The following KIAA1549L variants were observed in gnomAD, a reference collection of about 807,000 sequenced individuals.
The protein encoded by KIAA1549L is UPF0606 protein KIAA1549L.
In KIAA1549L, 88 loss-of-function variants were observed where a neutral mutation model predicts 160.7. The observed-to-expected ratio is 0.55, with a 90% confidence interval of 0.46 to 0.65. The LOEUF (loss-of-function observed/expected upper bound fraction) is 0.65. Ranked by LOEUF, KIAA1549L falls within the 30% of genes least tolerant of loss-of-function variation. The probability of loss-of-function intolerance (pLI) is 0.00; values close to 1 mark genes in which losing one functional copy is unlikely to be tolerated. For missense variants in KIAA1549L, 2,258 were observed against 2,437.5 expected (o/e 0.93, Z 1.55); for synonymous variants, 950 against 976.7 (o/e 0.97, Z 0.51).
chr11:33,413,271 T>TA lies in KIAA1549L; in HGVS notation c.238+36385dup, dbSNP rs397773577. 6.2e-3 allele frequency among the ~76,000 whole-genome samples: 942 copies of TA among 151,192 alleles called. 8 individuals carry two copies. The highest frequency in any genetic ancestry group is 0.021 in the African/African-American group (880 of 41,190). ...TTGAACACAGATTTTTTTTTTTTTTTAAATCAAGAATACCTCTTAAGGCTG... is the reference window on the plus strand; with the variant it reads ...TTGAACACAGATTTTTTTTTTTTTTTAAAATCAAGAATACCTCTTAAGGCTG... On this transcript the variant is annotated intron_variant, in intron 1 of 20. Transcript: ENST00000658780.
At chr11:33,532,722 G>A (rs546940381) in intron 1 of KIAA1549L, among the ~76,000 whole-genome samples, 4 of 152,252 alleles carry the variant, frequency 2.6e-5, no homozygotes, top group Admixed American at 6.5e-5. Context: ...GGTTTCCTTC[G>A]TTTATTTTGT....
intron 17 of KIAA1549L, among the ~76,000 whole-genome samples, chr11:33,652,164 A>G (rs139391787): frequency 6.4e-4 from 97 of 151,766 alleles, no homozygotes; most frequent in Admixed American, 1.5e-3. Context: ...GGAACCTGGC[A>G]ACAGTTTCGT....
At chr11:33,636,634 A>G (rs1851446929) in intron 16 of KIAA1549L, among the ~76,000 whole-genome samples, 1 of 152,198 alleles carries the variant, frequency 6.6e-6, no homozygotes, top group Non-Finnish European at 1.5e-5. Context: ...CCCAGCCAAG[A>G]ACGAATCTTC....
intron 13 of KIAA1549L, among the ~76,000 whole-genome samples, chr11:33,602,129 G>T (rs564914645): frequency 6.6e-6 from 1 of 152,186 alleles, no homozygotes; most frequent in Non-Finnish European, 1.5e-5. Context: ...ACCCTTTAAA[G>T]TATGCCCCCT....
In KIAA1549L at chr11:33,379,693, T is replaced by A. The variant is rs74724755; in HGVS notation, c.238+2804T>A. Among the ~76,000 whole-genome samples the A allele has an allele frequency of 4.3e-3, 658 of 152,314 alleles. 3 individuals carry two copies. Among genetic ancestry groups the A allele is most frequent in the Non-Finnish European group, 7.0e-3 (478 of 68,028 alleles). Reference sequence around the variant, plus strand: ...TCAATGTGACTGTCTGGGTCTCAGTTCTCTCATCTGGAAAATGGGGACAAC... The same window carrying A: ...TCAATGTGACTGTCTGGGTCTCAGTACTCTCATCTGGAAAATGGGGACAAC... On this transcript the variant is annotated intron_variant, in intron 1 of 20. Transcript: ENST00000658780.
intron 1 of KIAA1549L, among the ~76,000 whole-genome samples, chr11:33,471,951 G>C (rs1337332196): frequency 6.6e-6 from 1 of 152,176 alleles, no homozygotes; most frequent in Admixed American, 6.5e-5. Context: ...TATTCTCTGA[G>C]TAAAAAGGCT....
rs562840895 is a variant in KIAA1549L at position 33,383,422 on chromosome 11, G to A, written c.238+6533G>A. 3.3e-5 allele frequency among the ~76,000 whole-genome samples: 5 copies of A among 152,276 alleles called. No homozygotes were observed. In the South Asian group the frequency reaches 1.0e-3, roughly 32 times the overall value. On this transcript the variant is annotated intron_variant, in intron 1 of 20. Coordinates refer to ENST00000658780, the MANE Select transcript of KIAA1549L (RefSeq NM_012194.3). ...AGGGACACATTATTCTGGGTCACGG[G>A]ATGGCAGCCATGGATGGTGACTCTC...
chr11:33,405,562 G>C (rs1850628125), intron 1 of KIAA1549L, among the ~76,000 whole-genome samples: 1 of 139,536 alleles, frequency 7.2e-6, no homozygotes, highest in South Asian at 2.2e-4. Context: ...ATCAAAAGCT[G>C]TCTGGGCGCA....
intron 16 of KIAA1549L, among the ~76,000 whole-genome samples, chr11:33,643,137 T>C (rs890749999): frequency 6.6e-6 from 1 of 152,158 alleles, no homozygotes; most frequent in Non-Finnish European, 1.5e-5. Flanking sequence ...GAACTCCCCA[T>C]GCAGAATGGA....
chr11:33,630,451 C>T (rs572190030), intron 16 of KIAA1549L, among the ~76,000 whole-genome samples: 3 of 152,390 alleles, frequency 2.0e-5, no homozygotes, highest in South Asian at 4.1e-4. Context: ...GCGTAGGCCC[C>T]TCCGAGCCAG....
intron 1 of KIAA1549L, among the ~76,000 whole-genome samples, chr11:33,416,182 G>A (rs1413925965): frequency 1.3e-5 from 2 of 152,106 alleles, no homozygotes; most frequent in East Asian, 3.8e-4. Flanking sequence ...ATGTGTCACC[G>A]CCTTCTTGGG....
intron 14 of KIAA1549L, among the ~76,000 whole-genome samples, chr11:33,607,739 C>A (rs552540924): frequency 6.6e-6 from 1 of 152,168 alleles, no homozygotes; most frequent in Non-Finnish European, 1.5e-5. Flanking sequence ...TATGGCCCTA[C>A]AAAACCAGGT....
At chr11:33,650,251 A>G (rs1420664282) in intron 17 of KIAA1549L, among the ~76,000 whole-genome samples, 2 of 152,206 alleles carry the variant, frequency 1.3e-5, no homozygotes, top group East Asian at 1.9e-4. Context: ...CCTCTGGTAA[A>G]TAAGTACCCT....
chr11:33,377,933 A>T (rs1849989807), intron 1 of KIAA1549L, among the ~76,000 whole-genome samples: 1 of 152,202 alleles, frequency 6.6e-6, no homozygotes. Flanking sequence ...TTAAAGAGTC[A>T]CTGACAGGTG....
intron 12 of KIAA1549L, among the ~76,000 whole-genome samples, chr11:33,593,759 A>C (rs1590378299): frequency 6.6e-6 from 1 of 152,312 alleles, no homozygotes; most frequent in East Asian, 1.9e-4. Flanking sequence ...GAGTGTGGAC[A>C]TGTTACATTT....
At chr11:33,472,005 C>CTCTGTTGT (rs1339578315) in intron 1 of KIAA1549L, among the ~76,000 whole-genome samples, 1 of 152,184 alleles carries the variant, frequency 6.6e-6, no homozygotes, top group Non-Finnish European at 1.5e-5. Context: ...TATCCTGTTG[C>CTCTGTTGT]TCTGTTGTTC....
At chr11:33,563,942 C>G (rs1854962609) in intron 8 of KIAA1549L, among the ~76,000 whole-genome samples, 1 of 152,178 alleles carries the variant, frequency 6.6e-6, no homozygotes, top group Non-Finnish European at 1.5e-5. Flanking sequence ...TGCCGTGCCT[C>G]TATTTTGGTA....
At chr11:33,503,648 G>C (rs1436008941) in intron 1 of KIAA1549L, among the ~76,000 whole-genome samples, 1 of 152,034 alleles carries the variant, frequency 6.6e-6, no homozygotes, top group Non-Finnish European at 1.5e-5. Context: ...ATAACCTTTG[G>C]TGATATTCCC....
At chr11:33,401,200 T>C (rs1850492095) in intron 1 of KIAA1549L, among the ~76,000 whole-genome samples, 1 of 148,390 alleles carries the variant, frequency 6.7e-6, no homozygotes, top group Admixed American at 6.8e-5. Context: ...TATATATATA[T>C]ATGTAAAATA....
Sources: gnomAD v4.1 joint callset for allele counts (sites outside exome capture counted in the v4.1 genomes callset) on GRCh38, gnomAD v4.1.1 for gene constraint, MANE v1.5 for transcripts, NCBI Gene and HGNC (gene_info 2026-07-23, HGNC 2026-07-21) for gene names.